The following SLC7A2 variants were observed in gnomAD, a reference collection of about 807,000 sequenced individuals.
SLC7A2 encodes cationic amino acid transporter 2.
A neutral mutation model predicts 58.9 loss-of-function variants in SLC7A2; 48 were observed. That is an observed-to-expected ratio of 0.82 (90% CI 0.65 to 1.04). SLC7A2 has a LOEUF of 1.04. Among genes scored for constraint, SLC7A2 ranks in the 50% least tolerant of loss-of-function variants. The probability of loss-of-function intolerance (pLI) is 0.00; values close to 1 mark genes in which losing one functional copy is unlikely to be tolerated. For missense variants in SLC7A2, 1,029 were observed against 818.8 expected (o/e 1.26, Z -3.13); for synonymous variants, 363 against 314.5 (o/e 1.15, Z -1.63).
rs769376246 is a variant in SLC7A2 at position 17,548,687 on chromosome 8, C to G, written c.542C>G (p.Ser181Cys). ...CLILLLAGLL[S>C]FGVKESAWVN... ...TGCCCTTTTTCCATAGGTCTTTTGT[C>G]TTTTGGAGTAAAAGAGTCTGCTTGG... Residue 181 changes from serine (S) to cysteine (C), a missense_variant, in exon 5 of 13, where the codon TCT becomes TGT. Transcript: ENST00000494857. The G allele has an allele frequency of 1.9e-6, 3 of 1,599,594 alleles. No homozygotes were observed. The Admixed American group carries it at 5.3e-5, about 28-fold the overall frequency.
intron 2 of SLC7A2, among the ~76,000 whole-genome samples, chr8:17,523,566 A>G (rs1403411626): frequency 1.3e-5 from 2 of 152,322 alleles, no homozygotes; most frequent in African/African-American, 4.8e-5. Flanking sequence ...CCACATGTAG[A>G]AGAATGAAAC....
intron 5 of SLC7A2, among the ~76,000 whole-genome samples, chr8:17,549,594 A>T (rs1414783911): frequency 2.0e-5 from 3 of 152,152 alleles, no homozygotes; most frequent in African/African-American, 7.2e-5. Context: ...ACCACCATTC[A>T]GTTTTATTGT....
chr8:17,544,424 TC>T, intron 3 of SLC7A2, 26 bp from the exon 4 acceptor site: 1 of 1,604,290 alleles, frequency 6.2e-7, no homozygotes, highest in Non-Finnish European at 8.5e-7. Flanking sequence ...CCCAGTGACT[TC>T]GTATTCTCTG....
rs1349196140 is a variant in SLC7A2, at chr8:17,569,567, T to A, written c.*4421T>A. Reference sequence around the variant, plus strand: ...TTGTTTTGGGGAGATTTTTTTTCCTTACATGATTATATTAAACACTTTAAA... The same window carrying A: ...TTGTTTTGGGGAGATTTTTTTTCCTAACATGATTATATTAAACACTTTAAA... On this transcript the variant is annotated 3_prime_UTR_variant, in exon 13 of 13. Coordinates refer to ENST00000494857, the MANE Select transcript of SLC7A2 (RefSeq NM_001370338.1). The A allele has an allele frequency of 6.6e-6, 1 of 152,004 alleles. No homozygotes were observed. Among genetic ancestry groups the A allele is most frequent in the African/African-American group, 2.4e-5 (1 of 41,448 alleles). The allele number at this position is 152,004 out of a possible 1,614,324, so 9.4% of individuals were successfully genotyped here. A position where few individuals can be genotyped will look rare whatever the true frequency, so the allele number is the denominator to read the frequency against.
chr8:17,564,741 T>A (rs1349571602), intron 12 of SLC7A2, among the ~76,000 whole-genome samples: 1 of 152,108 alleles, frequency 6.6e-6, no homozygotes, highest in Admixed American at 6.5e-5. Context: ...ACACTGTAAA[T>A]ACTAGAGACT....
rs1197954117 is a variant in SLC7A2, at chr8:17,570,035, T to C, written c.*4889T>C. Reference sequence around the variant, plus strand: ...CAAACATCCCATGAGTATATCAAGATGAATAAGGACCAAGGGACCTCTGTG... The same window carrying C: ...CAAACATCCCATGAGTATATCAAGACGAATAAGGACCAAGGGACCTCTGTG... On this transcript the variant is annotated 3_prime_UTR_variant, in exon 13 of 13. Transcript: ENST00000494857. 6.6e-6 allele frequency: 1 copy of C among 152,184 alleles called. No homozygotes were observed. Among genetic ancestry groups the C allele is most frequent in the Admixed American group, 6.5e-5 (1 of 15,276 alleles). 9.4% of individuals were successfully genotyped at this position (152,184 alleles called of 1,614,324 possible).
At chr8:17,505,296 A>G (rs999408513) in intron 2 of SLC7A2, among the ~76,000 whole-genome samples, 2 of 152,232 alleles carry the variant, frequency 1.3e-5, no homozygotes, top group Non-Finnish European at 2.9e-5. Flanking sequence ...TCGAAGAAAT[A>G]TCTTAGGAGA....
At chr8:17,512,340 A>G (rs374457977) in intron 2 of SLC7A2, among the ~76,000 whole-genome samples, 3 of 152,250 alleles carry the variant, frequency 2.0e-5, no homozygotes, top group East Asian at 1.9e-4. Flanking sequence ...TGAGGTCAGG[A>G]GTTTAAGACC....
At position 17,558,358 on chromosome 8, in the gene SLC7A2, T is replaced by G; in HGVS notation, c.1259T>G (p.Met420Arg). 6.2e-7 allele frequency: 1 copy of G among 1,613,582 alleles called. No individual in the cohort carries two copies. The highest frequency in any genetic ancestry group is 1.6e-4 in the Middle Eastern group (1 of 6,062). Residue 420 changes from methionine (M) to arginine (R), a missense_variant, in exon 9 of 13, where the codon ATG (methionine) becomes AGG (arginine). Coordinates refer to ENST00000494857, the MANE Select transcript of SLC7A2 (RefSeq NM_001370338.1). ...LVDMMSIGTL[M>R]AYSLVAACVL... is the part of the protein sequence containing the mutation. ...GACATGATGTCCATTGGCACACTCA[T>G]GGCCTACTCTCTGGTGGCAGCCTGT...
intron 1 of SLC7A2, among the ~76,000 whole-genome samples, chr8:17,501,539 T>C (rs1343450491): frequency 2.0e-5 from 3 of 150,276 alleles, no homozygotes; most frequent in Non-Finnish European, 4.4e-5. Context: ...TTCAGAGACA[T>C]GTGGTCCCCT....
chr8:17,560,039 T>A (rs2150775738), intron 9 of SLC7A2, among the ~76,000 whole-genome samples: 1 of 152,310 alleles, frequency 6.6e-6, no homozygotes, highest in Admixed American at 6.5e-5. Context: ...TTCAGAATAA[T>A]CATTCTTTTT....
At chr8:17,515,937 A>G (rs1800786558) in intron 2 of SLC7A2, among the ~76,000 whole-genome samples, 1 of 152,074 alleles carries the variant, frequency 6.6e-6, no homozygotes. Context: ...TTTGCATTTT[A>G]TTGGATCAAT....
In SLC7A2 at chr8:17,561,915, G is replaced by T. The variant is rs763578238; in HGVS notation, c.1505-29G>T. On this transcript the variant is annotated intron_variant, in intron 10 of 12. Coordinates refer to ENST00000494857, the MANE Select transcript of SLC7A2 (RefSeq NM_001370338.1). ...CAATCTGGGTGGAGCACAGTGTGCT[G>T]ACTCTGTTATCTACACATCCCCCTG... is the stretch of plus-strand genomic sequence containing the variant. 3 of 1,610,352 alleles carry T rather than the reference G, an allele frequency of 1.9e-6. No homozygotes were observed. In the South Asian group the frequency reaches 3.3e-5, roughly 18 times the overall value.
chr8:17,561,904 C>G, intron 10 of SLC7A2, 40 bp from the exon 11 acceptor site: 1 of 1,597,752 alleles, frequency 6.3e-7, no homozygotes, highest in South Asian at 1.1e-5. Context: ...CTGGGTGGAG[C>G]ACAGTGTGCT....
intron 5 of SLC7A2, among the ~76,000 whole-genome samples, chr8:17,549,908 C>T (rs567298099): frequency 2.6e-5 from 4 of 152,270 alleles, no homozygotes; most frequent in South Asian, 4.2e-4. Context: ...CTGCCTTACT[C>T]GATGCTTTAT....
intron 1 of SLC7A2, among the ~76,000 whole-genome samples, chr8:17,500,757 C>G (rs1800121707): frequency 6.6e-6 from 1 of 151,666 alleles, no homozygotes; most frequent in Non-Finnish European, 1.5e-5. Flanking sequence ...CCACTGCACT[C>G]CAGCCTGGGT....
At chr8:17,532,341 C>T (rs910086744) in intron 2 of SLC7A2, among the ~76,000 whole-genome samples, 10 of 151,146 alleles carry the variant, frequency 6.6e-5, no homozygotes, top group African/African-American at 2.4e-4. Context: ...CTGCTGCCTC[C>T]TGACCCCAAT....
intron 4 of SLC7A2, among the ~76,000 whole-genome samples, chr8:17,547,612 G>A (rs943659963): frequency 6.6e-6 from 1 of 152,170 alleles, no homozygotes; most frequent in African/African-American, 2.4e-5. Context: ...TAAATGGAAA[G>A]TGTAGAAAGA....
intron 11 of SLC7A2, among the ~76,000 whole-genome samples, chr8:17,562,890 C>T (rs1803086086): frequency 6.6e-6 from 1 of 152,160 alleles, no homozygotes; most frequent in African/African-American, 2.4e-5. Context: ...CCTGTAATCC[C>T]AGCACTTTGA....
Sources: allele counts gnomAD v4.1 joint callset (sites outside exome capture counted in the v4.1 genomes callset), GRCh38; gene constraint gnomAD v4.1.1; transcripts MANE v1.5; gene names NCBI Gene and HGNC (gene_info 2026-07-23, HGNC 2026-07-21).